ATE1: variants seen among roughly 807,000 people sequenced by gnomAD.
ATE1 encodes the protein arginyltransferase 1.
A neutral mutation model predicts 70.5 loss-of-function variants in ATE1; 36 were observed. The observed-to-expected ratio is 0.51, with a 90% confidence interval of 0.39 to 0.67. ATE1 has a LOEUF of 0.67. ATE1 is among the 30% of genes least tolerant of loss of function. The probability of loss-of-function intolerance (pLI) is 0.00; values close to 1 mark genes in which losing one functional copy is unlikely to be tolerated. For missense variants in ATE1, 593 were observed against 629.5 expected (o/e 0.94, Z 0.62); for synonymous variants, 232 against 219.3 (o/e 1.06, Z -0.51).
At chr10:121,835,049 C>G (rs1948382829) in intron 10 of ATE1, among the ~76,000 whole-genome samples, 1 of 152,078 alleles carries the variant, frequency 6.6e-6, no homozygotes, top group African/African-American at 2.4e-5. Context: ...GGATAAAACA[C>G]TAGTAAAAAC....
chr10:121,877,082 A>G (rs1950078746), intron 7 of ATE1, among the ~76,000 whole-genome samples: 1 of 152,168 alleles, frequency 6.6e-6, no homozygotes, highest in East Asian at 1.9e-4. Flanking sequence ...AAAATCATCA[A>G]ACAGAACACC....
intron 8 of ATE1, among the ~76,000 whole-genome samples, chr10:121,850,538 T>C (rs1949014731): frequency 6.6e-6 from 1 of 152,226 alleles, no homozygotes; most frequent in South Asian, 2.1e-4. Context: ...CATGTCTTGG[T>C]ATCATGAAAT....
chr10:121,897,745 G>T (rs916268469), intron 7 of ATE1, among the ~76,000 whole-genome samples: 1 of 150,942 alleles, frequency 6.6e-6, no homozygotes, highest in South Asian at 2.1e-4. Context: ...AGAATCGCTT[G>T]AACCCGGGAG....
chr10:121,778,908 T>C (rs1945861790), intron 11 of ATE1, among the ~76,000 whole-genome samples: 2 of 152,130 alleles, frequency 1.3e-5, no homozygotes, highest in South Asian at 4.1e-4. Context: ...CACCCAGCCA[T>C]GGCCAGCTTT....
chr10:121,885,260 CAAAAAAA>C (rs1212899309), intron 7 of ATE1, among the ~76,000 whole-genome samples: 4 of 33,392 alleles, frequency 1.2e-4, no homozygotes, highest in Non-Finnish European at 2.3e-4. Flanking sequence ...GACTCCGTCT[CAAAAAAA>C]AAAAAAAAAA....
chr10:121,842,998 T>C (rs1370107520), intron 8 of ATE1, among the ~76,000 whole-genome samples: 3 of 151,950 alleles, frequency 2.0e-5, no homozygotes, highest in African/African-American at 7.2e-5. Flanking sequence ...GAAAAGGAAA[T>C]AAAAGGTGTA....
At chr10:121,916,807 CCTGGGCAACAAAA>C (rs1305748358) in intron 3 of ATE1, among the ~76,000 whole-genome samples, 1 of 151,672 alleles carries the variant, frequency 6.6e-6, no homozygotes, top group Non-Finnish European at 1.5e-5. Flanking sequence ...TGCACTCCAG[CCTGGGCAACAAAA>C]CGAGACTCCG....
chr10:121,819,114 G>T, intron 10 of ATE1, among the ~76,000 whole-genome samples: 1 of 152,064 alleles, frequency 6.6e-6, no homozygotes. Context: ...ATTCACTATT[G>T]CATTATCAAT....
At chr10:121,904,481 T>C (rs544647132) in intron 5 of ATE1, among the ~76,000 whole-genome samples, 29 of 150,528 alleles carry the variant, frequency 1.9e-4, no homozygotes, top group Admixed American at 1.7e-3. Context: ...CTCTACTAAA[T>C]ATTAAAAAAA....
At chr10:121,861,196 G>A (rs1949454315) in intron 8 of ATE1, among the ~76,000 whole-genome samples, 1 of 152,242 alleles carries the variant, frequency 6.6e-6, no homozygotes, top group Non-Finnish European at 1.5e-5. Context: ...CCAGCCAAAA[G>A]ATGTCTTAAA....
Position 121,841,226 on chromosome 10 carries a change from C to A in ATE1, c.1013G>T (p.Gly338Val). The change falls in exon 9 of 12, where the codon GGC becomes GTC. Residue 338 changes from glycine (G) to valine (V), a missense_variant. This residue lies in a region of ATE1 where 467 missense variants were observed against 469.6 expected (regional missense o/e 0.99). Transcript: ENST00000224652. The part of the protein sequence containing the change: ...TPPNGPDCGY[G>V]SFHQQYWLDG... ...AAGCCAGTACTGCTGGTGAAAGGAG[C>A]CATAGCCACAATCTGGCCCATTAGG... The A allele has an allele frequency of 6.4e-7, 1 of 1,558,274 alleles. No individual in the cohort carries two copies.
intron 6 of ATE1, among the ~76,000 whole-genome samples, chr10:121,901,908 A>G (rs1950996772): frequency 6.6e-6 from 1 of 152,232 alleles, no homozygotes; most frequent in African/African-American, 2.4e-5. Flanking sequence ...AGAGGATTTC[A>G]GCAGTACAAT....
chr10:121,763,162 T>A (rs551096257), intron 11 of ATE1, among the ~76,000 whole-genome samples: 5 of 152,202 alleles, frequency 3.3e-5, no homozygotes, highest in Non-Finnish European at 5.9e-5. Flanking sequence ...TGGTTTATGA[T>A]AGCAAAATTG....
chr10:121,871,639 T>C (rs978468310), intron 7 of ATE1, among the ~76,000 whole-genome samples: 1 of 151,996 alleles, frequency 6.6e-6, no homozygotes, highest in African/African-American at 2.4e-5. Flanking sequence ...TCTTAGAATA[T>C]CACTAACACA....
chr10:121,908,089 C>T (rs1411213032), intron 5 of ATE1, among the ~76,000 whole-genome samples: 1 of 152,064 alleles, frequency 6.6e-6, no homozygotes, highest in Non-Finnish European at 1.5e-5. Flanking sequence ...TTCAGAGGAG[C>T]AACAGATTGC....
intron 4 of ATE1, among the ~76,000 whole-genome samples, chr10:121,912,743 T>TC (rs1951492350): frequency 6.6e-6 from 1 of 150,700 alleles, no homozygotes; most frequent in Non-Finnish European, 1.5e-5. Flanking sequence ...AGAACCTAAT[T>TC]CCTTTTTTTT....
chr10:121,779,122 A>T (rs1026588457), intron 11 of ATE1, among the ~76,000 whole-genome samples: 4 of 152,072 alleles, frequency 2.6e-5, no homozygotes, highest in Non-Finnish European at 5.9e-5. Context: ...GAGACCTCCA[A>T]TTCTTTGACC....
intron 3 of ATE1, among the ~76,000 whole-genome samples, chr10:121,921,994 C>T (rs1951901222): frequency 6.6e-6 from 1 of 152,150 alleles, no homozygotes; most frequent in African/African-American, 2.4e-5. Flanking sequence ...AAGCAATACA[C>T]CAGAATGCAG....
chr10:121,818,717 A>C (rs11200175), intron 10 of ATE1, among the ~76,000 whole-genome samples: 18,419 of 152,306 alleles, frequency 0.12, 1,424 homozygotes, highest in East Asian at 0.33. Flanking sequence ...GGGAGCTTTA[A>C]GATCTACTTA....
Sources: gnomAD v4.1 joint callset for allele counts (sites outside exome capture counted in the v4.1 genomes callset) on GRCh38, gnomAD v4.1.1 for gene constraint, gnomAD v4.1.1 regional missense constraint, MANE v1.5 for transcripts, NCBI Gene and HGNC (gene_info 2026-07-23, HGNC 2026-07-21) for gene names.